Variants in ARRB2 observed in about 807,000 individuals in gnomAD.
ARRB2 encodes arrestin beta 2, also known as beta-arrestin-2.
Under a neutral mutation model 53.4 loss-of-function variants are expected in ARRB2, and 21 were observed. That is an observed-to-expected ratio of 0.39 (90% CI 0.28 to 0.57). The LOEUF is 0.57. Among genes scored for constraint, ARRB2 ranks in the 20% least tolerant of loss-of-function variants. The pLI is 0.55. For missense variants in ARRB2, 369 were observed against 527.5 expected (o/e 0.70, Z 2.94); for synonymous variants, 180 against 212.9 (o/e 0.85, Z 1.34).
At chr17:4,718,410 T>C (rs1399585959) in intron 9 of ARRB2, 65 bp downstream of exon 9, 2 of 1,531,670 alleles carry the variant, frequency 1.3e-6, no homozygotes, top group Non-Finnish European at 1.8e-6. Context: ...GCTCCTGGTG[T>C]GATCTCAGCC....
chr17:4,712,546 T>C (rs557962271), intron 1 of ARRB2, among the ~76,000 whole-genome samples: 10 of 152,222 alleles, frequency 6.6e-5, no homozygotes, highest in Non-Finnish European at 1.3e-4. Flanking sequence ...GGAAGAGGGA[T>C]GGGCTAGTTG....
At chr17:4,714,910 C>T in intron 1 of ARRB2, 103 bp from the exon 2 acceptor site, 4 of 1,265,936 alleles carry the variant, frequency 3.2e-6, no homozygotes, top group Non-Finnish European at 4.4e-6. Flanking sequence ...GGCAGGAGGC[C>T]TGGGTGAGCA....
rs34496093 is a variant in ARRB2, at chr17:4,718,408, T to C, written c.706+63T>C. On this transcript the variant is annotated intron_variant, in intron 9 of 14. Coordinates refer to ENST00000269260, the MANE Select transcript of ARRB2 (RefSeq NM_004313.4). ...GCGTTACTGCACAGGTGGCTCCTGG[T>C]GTGATCTCAGCCCAGGCCATTTCCC... 8.5e-4 allele frequency: 1,307 copies of C among 1,532,912 alleles called. 4 individuals carry two copies. In the African/African-American group the frequency reaches 0.016, roughly 19 times the overall value. 95.0% of individuals were successfully genotyped at this position (1,532,912 alleles called of 1,614,324 possible).
intron 13 of ARRB2, 21 bp downstream of exon 13, chr17:4,720,493 A>G (rs777170069): frequency 3.2e-6 from 5 of 1,585,858 alleles, no homozygotes; most frequent in Non-Finnish European, 4.3e-6. Context: ...TACCCACCCC[A>G]AGCCCTCAGA....
Position 4,721,258 on chromosome 17 carries a change from G to C in ARRB2, c.*219G>C, listed in dbSNP as rs1915666405. ...GCATTAATTTTTTGACTGCAGCTCTGCTTCTCCAGCCCCGCCGTGGGTGGC... is the reference window on the plus strand; with the variant it reads ...GCATTAATTTTTTGACTGCAGCTCTCCTTCTCCAGCCCCGCCGTGGGTGGC... On this transcript the variant is annotated 3_prime_UTR_variant, in exon 15 of 15. Coordinates refer to ENST00000269260, the MANE Select transcript of ARRB2 (RefSeq NM_004313.4). This position sits in a 1 kb window ranked among gnomAD's most constrained non-coding sequence, Gnocchi z 4.2. 7.7e-6 allele frequency: 4 copies of C among 520,052 alleles called. No individual in the cohort carries two copies. Among genetic ancestry groups the C allele is most frequent in the Non-Finnish European group, 1.0e-5 (3 of 295,814 alleles). The allele number at this position is 520,052 out of a possible 1,614,324, so 32.2% of individuals were successfully genotyped here. A position where few individuals can be genotyped will look rare whatever the true frequency, so the allele number is the denominator to read the frequency against.
intron 9 of ARRB2, 114 bp from the exon 10 acceptor site, chr17:4,718,498 G>T: frequency 8.0e-7 from 1 of 1,245,516 alleles, no homozygotes. Flanking sequence ...GGGAGCCTCG[G>T]TGTTTACTGC....
rs186413241 is a variant in ARRB2, at chr17:4,717,471, G to T, written c.417+195G>T. 3 of 861,920 alleles carry T rather than the reference G, an allele frequency of 3.5e-6. No homozygotes were observed. The highest frequency in any genetic ancestry group is 2.6e-5 in the East Asian group (1 of 38,248). 53.4% of individuals were successfully genotyped at this position (861,920 alleles called of 1,614,324 possible). ...ACACTGCCTCCTGCTCTGTGGACCC[G>T]CATGGATCTGGGGATGGGGGCTCCC... On this transcript the variant is annotated intron_variant, in intron 6 of 14. Transcript: ENST00000269260. The surrounding 1 kb of genome is among the most constrained non-coding windows in gnomAD (Gnocchi z 6.0).
Position 4,716,628 on chromosome 17 carries a change from C to A in ARRB2, c.357+20C>A. The A allele has an allele frequency of 6.4e-7, 1 of 1,551,554 alleles. No individual in the cohort carries two copies. The highest frequency in any genetic ancestry group is 2.0e-5 in the Admixed American group (1 of 51,192). On this transcript the variant is annotated intron_variant, in intron 5 of 14. Transcript: ENST00000269260. ...TTCACCGTGAGGATGCCCCTGCCCTCTGAGGGCCAGGGGGCTGGGGCTGGG... is the reference window on the plus strand; with the variant it reads ...TTCACCGTGAGGATGCCCCTGCCCTATGAGGGCCAGGGGGCTGGGGCTGGG...
chr17:4,721,162 C>T lies in ARRB2; in HGVS notation c.*123C>T, dbSNP rs1915658457. ...CCTTCCCCTCACCTGGAAGCTTCTT[C>T]AACCAATCCCTTCACACTCTCTCCC... On this transcript the variant is annotated 3_prime_UTR_variant, in exon 15 of 15. Coordinates refer to ENST00000269260, the MANE Select transcript of ARRB2 (RefSeq NM_004313.4). The surrounding 1 kb of genome is among the most constrained non-coding windows in gnomAD (Gnocchi z 4.2). 2.1e-6 allele frequency: 2 copies of T among 958,786 alleles called. No individual in the cohort carries two copies. The highest frequency in any genetic ancestry group is 1.6e-6 in the Non-Finnish European group (1 of 629,138). The allele number at this position is 958,786 out of a possible 1,614,324, so 59.4% of individuals were successfully genotyped here. A position where few individuals can be genotyped will look rare whatever the true frequency, so the allele number is the denominator to read the frequency against.
rs755569488 is a variant in ARRB2, at chr17:4,719,394, G to A, written c.891G>A (p.Glu297=). The change falls in exon 11 of 15, where the codon GAG becomes GAA. Residue 297 remains glutamate, a synonymous_variant. Transcript: ENST00000269260. ...CCCTGGATGGGAAACTCAAGCACGA[G>A]GACACCAACCTGGCTTCCAGCACCA... The part of the protein sequence containing the change: ...GLALDGKLKH[E]DTNLASSTIV... The A allele has an allele frequency of 5.0e-6, 8 of 1,614,150 alleles. No individual in the cohort carries two copies. The highest frequency in any genetic ancestry group is 2.2e-5 in the East Asian group (1 of 44,880).
At chr17:4,710,797 G>A (rs969955539) in intron 1 of ARRB2, 53 bp downstream of exon 1, 2 of 398,422 alleles carry the variant, frequency 5.0e-6, no homozygotes, top group Non-Finnish European at 8.8e-6. Context: ...CGGGGCGGGG[G>A]CTGGGACGGT....
chr17:4,720,654 TC>T lies in ARRB2; in HGVS notation c.1136+18del. ...ATTTGATACCAAGTAAGAAACTCAT[TC>T]CCCTACTTGACCCTCTTGGGACAAA... On this transcript the variant is annotated intron_variant, in intron 14 of 14. Transcript: ENST00000269260. 6 of 1,552,820 alleles carry T rather than the reference TC, an allele frequency of 3.9e-6. No individual in the cohort carries two copies. Among genetic ancestry groups the T allele is most frequent in the Non-Finnish European group, 5.2e-6 (6 of 1,150,936 alleles).
intron 2 of ARRB2, chr17:4,715,726 A>ACAAACACAAAC: frequency 4.0e-6 from 1 of 251,830 alleles, no homozygotes; most frequent in Non-Finnish European, 7.4e-6. Flanking sequence ...CACACACACA[A>ACAAACACAAAC]ACACACACAC....
At chr17:4,711,385 G>T (rs746192187) in intron 1 of ARRB2, among the ~76,000 whole-genome samples, 16 of 152,058 alleles carry the variant, frequency 1.1e-4, no homozygotes, top group Non-Finnish European at 2.2e-4. Flanking sequence ...TGCAATCGAG[G>T]CTCTTTCCTT....
chr17:4,715,486 GACACACACACACATACACACAT>G, intron 2 of ARRB2: 1 of 132,752 alleles, frequency 7.5e-6, no homozygotes, highest in South Asian at 8.8e-5. Flanking sequence ...CACACACACA[GACACACACACACATACACACAT>G]ACACACACAC....
At chr17:4,720,562 C>G in intron 13 of ARRB2, 24 bp from the exon 14 acceptor site, 1 of 1,562,664 alleles carries the variant, frequency 6.4e-7, no homozygotes, top group Non-Finnish European at 8.6e-7. Context: ...CCCACCCCCA[C>G]ACCCCCTCTT....
intron 9 of ARRB2, 86 bp from the exon 10 acceptor site, chr17:4,718,526 G>T (rs1317954647): frequency 2.1e-6 from 3 of 1,416,196 alleles, no homozygotes; most frequent in East Asian, 2.3e-5. Flanking sequence ...GGGAGCATGG[G>T]GGGGCCACGC....
rs1476979273 is a variant in ARRB2, at chr17:4,717,916, G to A, written c.514G>A (p.Val172Met). The A allele has an allele frequency of 6.2e-7, 1 of 1,613,944 alleles. No homozygotes were observed. Among genetic ancestry groups the A allele is most frequent in the East Asian group, 2.2e-5 (1 of 44,864 alleles). The change falls in exon 8 of 15, where the codon GTG becomes ATG. Residue 172 changes from valine (V) to methionine (M), a missense_variant. Val to Met is a conservative substitution (Grantham distance 21, BLOSUM62 1). Transcript: ENST00000269260. The surrounding 1 kb of genome is among the most constrained non-coding windows in gnomAD (Gnocchi z 6.0). ...RNSVRLVIRK[V>M]QFAPEKPGPQ... ...CTCTGTGCGGCTGGTGATCCGAAAG[G>A]TGCAGTTCGCCCCGGAGAAACCCGG...
chr17:4,716,300 G>A, intron 4 of ARRB2, 109 bp downstream of exon 4: 2 of 1,608,350 alleles, frequency 1.2e-6, no homozygotes, highest in South Asian at 1.1e-5. Context: ...GTGGAAGCCA[G>A]GAGTAGGGTT....
Sources: gnomAD v4.1 joint callset for allele counts (sites outside exome capture counted in the v4.1 genomes callset) on GRCh38, gnomAD v4.1.1 for gene constraint, Gnocchi (gnomAD v3.1) non-coding constraint, MANE v1.5 for transcripts, NCBI Gene and HGNC (gene_info 2026-07-23, HGNC 2026-07-21) for gene names.